SPAG16: variants seen among roughly 807,000 people sequenced by gnomAD.
The protein encoded by SPAG16 is sperm-associated antigen 16 protein.
In SPAG16, 86 loss-of-function variants were observed where a neutral mutation model predicts 80.4. The observed-to-expected ratio is 1.07, with a 90% CI of 0.90 to 1.28. SPAG16 has a LOEUF of 1.28. Ranked by LOEUF, SPAG16 falls within the 50% of genes most tolerant of loss-of-function variation. SPAG16 has a pLI of 0.00. For missense variants in SPAG16, 870 were observed against 765.3 expected (o/e 1.14, Z -1.61); for synonymous variants, 294 against 265.9 (o/e 1.11, Z -1.03).
chr2:213,645,331 C>T (rs1265047939), intron 10 of SPAG16, among the ~76,000 whole-genome samples: 1 of 151,946 alleles, frequency 6.6e-6, no homozygotes, highest in Non-Finnish European at 1.5e-5. Flanking sequence ...CAAGAGTCTG[C>T]TTGGTGCTCT....
At chr2:213,713,795 A>G (rs1208178933) in intron 10 of SPAG16, among the ~76,000 whole-genome samples, 2 of 152,164 alleles carry the variant, frequency 1.3e-5, no homozygotes, top group Non-Finnish European at 2.9e-5. Flanking sequence ...CTGGACTGGG[A>G]TTTTTAAGAC....
At chr2:213,565,829 G>A (rs952634983) in intron 10 of SPAG16, among the ~76,000 whole-genome samples, 1 of 152,178 alleles carries the variant, frequency 6.6e-6, no homozygotes, top group Non-Finnish European at 1.5e-5. Flanking sequence ...CCAGATGAAT[G>A]CCAGAAGCAA....
At chr2:214,297,845 A>G (rs1380768384) in intron 15 of SPAG16, among the ~76,000 whole-genome samples, 1 of 142,202 alleles carries the variant, frequency 7.0e-6, no homozygotes, top group Non-Finnish European at 1.5e-5. Flanking sequence ...TTGGTTTTGT[A>G]TGAATTTTAA....
chr2:214,400,669 G>A (rs1251917102), intron 15 of SPAG16, among the ~76,000 whole-genome samples: 1 of 151,928 alleles, frequency 6.6e-6, no homozygotes, highest in Non-Finnish European at 1.5e-5. Flanking sequence ...CAGACTCTGT[G>A]CAATAAAATT....
intron 10 of SPAG16, among the ~76,000 whole-genome samples, chr2:213,528,951 G>C (rs997214458): frequency 6.6e-6 from 1 of 152,138 alleles, no homozygotes; most frequent in Non-Finnish European, 1.5e-5. Flanking sequence ...CTTGAAAAAT[G>C]TCCTTTCTCA....
At chr2:213,888,629 C>A (rs1253397410) in intron 11 of SPAG16, among the ~76,000 whole-genome samples, 2 of 151,720 alleles carry the variant, frequency 1.3e-5, no homozygotes, top group Non-Finnish European at 3.0e-5. Context: ...TGTCTCATGT[C>A]TAATAATGAT....
At chr2:214,059,182 CTGTCTATATATA>C (rs1252001759) in intron 13 of SPAG16, among the ~76,000 whole-genome samples, 1 of 93,652 alleles carries the variant, frequency 1.1e-5, no homozygotes. Flanking sequence ...GTCTCTCTCT[CTGTCTATATATA>C]TATATATATA....
chr2:213,880,342 ATTTG>A (rs1200950479), intron 11 of SPAG16, among the ~76,000 whole-genome samples: 4 of 151,966 alleles, frequency 2.6e-5, no homozygotes, highest in Admixed American at 2.0e-4. Flanking sequence ...TTGCTTGTTG[ATTTG>A]TTTAAGTTCC....
chr2:213,494,376 C>T (rs1223500936), intron 10 of SPAG16, among the ~76,000 whole-genome samples: 1 of 152,194 alleles, frequency 6.6e-6, no homozygotes, highest in African/African-American at 2.4e-5. Flanking sequence ...ACCTAATCTT[C>T]TCCTTATCTC....
At chr2:214,371,526 C>A (rs1162929477) in intron 15 of SPAG16, among the ~76,000 whole-genome samples, 5 of 130,324 alleles carry the variant, frequency 3.8e-5, no homozygotes, top group African/African-American at 1.8e-4. Context: ...GAGCACAAAT[C>A]CTTCTCAAAA....
Position 214,165,469 on chromosome 2 carries a change from C to CTT in SPAG16, c.1720+16239_1720+16240dup, listed in dbSNP as rs67726428. Among the ~76,000 whole-genome samples, 44 of 37,856 alleles carry CTT rather than the reference C, an allele frequency of 1.2e-3. 13 individuals carry two copies. The highest frequency in any genetic ancestry group is 5.9e-3 in the African/African-American group (42 of 7,174). 24.8% of individuals were successfully genotyped at this position (37,856 alleles called of 152,430 possible). A position where few individuals can be genotyped will look rare whatever the true frequency, so the allele number is the denominator to read the frequency against. ...TTTAAAAATGCTTTGCATCACCATCCTTTTTTTTTTTTTTTTTTTTTTTTT... is the reference window on the plus strand; with the variant it reads ...TTTAAAAATGCTTTGCATCACCATCCTTTTTTTTTTTTTTTTTTTTTTTTTTT... On this transcript the variant is annotated intron_variant, in intron 15 of 15. Coordinates refer to ENST00000331683, the MANE Select transcript of SPAG16 (RefSeq NM_024532.5).
At chr2:213,692,684 C>A (rs1574833016) in intron 10 of SPAG16, among the ~76,000 whole-genome samples, 2 of 152,016 alleles carry the variant, frequency 1.3e-5, no homozygotes, top group South Asian at 4.2e-4. Flanking sequence ...GTGGCGGGTG[C>A]CTGTAGTCCC....
intron 14 of SPAG16, among the ~76,000 whole-genome samples, chr2:214,131,289 G>A (rs1466442706): frequency 6.6e-6 from 1 of 151,634 alleles, no homozygotes. Flanking sequence ...AGGATGGCTT[G>A]AGAGCAGGAG....
chr2:214,231,251 A>C (rs1287537150), intron 15 of SPAG16, among the ~76,000 whole-genome samples: 1 of 152,066 alleles, frequency 6.6e-6, no homozygotes, highest in Non-Finnish European at 1.5e-5. Context: ...TGGAATAGAA[A>C]GGTAGACAAG....
intron 15 of SPAG16, among the ~76,000 whole-genome samples, chr2:214,397,567 C>G (rs1348545963): frequency 6.6e-6 from 1 of 152,102 alleles, no homozygotes; most frequent in Admixed American, 6.5e-5. Context: ...GCAGTTTATC[C>G]TTGGGAGTTT....
At chr2:214,260,831 G>GT (rs1691096723) in intron 15 of SPAG16, among the ~76,000 whole-genome samples, 1 of 152,016 alleles carries the variant, frequency 6.6e-6, no homozygotes, top group Non-Finnish European at 1.5e-5. Context: ...ACTTGGCCAG[G>GT]TGCAGTGGCT....
intron 10 of SPAG16, among the ~76,000 whole-genome samples, chr2:213,514,664 G>T (rs1348724798): frequency 7.9e-6 from 1 of 125,916 alleles, no homozygotes; most frequent in African/African-American, 3.1e-5. Flanking sequence ...TCCCCTTCCT[G>T]TGTCCATGTG....
At chr2:213,752,418 C>A (rs1022143156) in intron 10 of SPAG16, among the ~76,000 whole-genome samples, 1 of 152,182 alleles carries the variant, frequency 6.6e-6, no homozygotes, top group Admixed American at 6.5e-5. Flanking sequence ...CTCTACCATT[C>A]TTTCCTCCAC....
intron 15 of SPAG16, among the ~76,000 whole-genome samples, chr2:214,175,941 C>G (rs948799200): frequency 6.6e-6 from 1 of 151,228 alleles, no homozygotes; most frequent in Non-Finnish European, 1.5e-5. Flanking sequence ...GGGAGGGAAA[C>G]AGCAATGAGA....
Sources: gnomAD v4.1 joint callset for allele counts (sites outside exome capture counted in the v4.1 genomes callset) on GRCh38, gnomAD v4.1.1 for gene constraint, MANE v1.5 for transcripts, NCBI Gene and HGNC (gene_info 2026-07-23, HGNC 2026-07-21) for gene names.